Variants in THSD7A observed in about 807,000 individuals in gnomAD.
THSD7A encodes thrombospondin type-1 domain-containing protein 7A.
THSD7A carries 96 observed loss-of-function variants against 231.3 expected under a neutral mutation model. That is an observed-to-expected ratio of 0.41 (90% CI 0.35 to 0.49). The LOEUF (loss-of-function observed/expected upper bound fraction) is 0.49, where lower values mean the gene tolerates loss of function less well. Among genes scored for constraint, THSD7A ranks in the 20% least tolerant of loss-of-function variants. The pLI is 0.05. For missense variants in THSD7A, 2,290 were observed against 2,070.2 expected (o/e 1.11, Z -2.06); for synonymous variants, 940 against 743.3 (o/e 1.26, Z -4.30).
chr7:11,767,898 C>T (rs1562540187), intron 1 of THSD7A, among the ~76,000 whole-genome samples: 1 of 152,082 alleles, frequency 6.6e-6, no homozygotes, highest in African/African-American at 2.4e-5. Context: ...GGAATAAGGA[C>T]TTAGAAGGAG....
intron 1 of THSD7A, among the ~76,000 whole-genome samples, chr7:11,744,713 T>C (rs1221788206): frequency 6.6e-6 from 1 of 151,570 alleles, no homozygotes; most frequent in Non-Finnish European, 1.5e-5. Context: ...GTCCTTGTGA[T>C]AGTTTGCTGA....
intron 1 of THSD7A, among the ~76,000 whole-genome samples, chr7:11,755,206 T>C (rs999943382): frequency 6.6e-6 from 1 of 152,018 alleles, no homozygotes; most frequent in Non-Finnish European, 1.5e-5. Flanking sequence ...AAGAATTATC[T>C]AGTCAAAAAT....
rs563916439 is a variant in THSD7A at position 11,824,925 on chromosome 7, TA to T, written c.190+6831del. Among the ~76,000 whole-genome samples the T allele has an allele frequency of 1.4e-4, 21 of 152,270 alleles. No homozygotes were observed. The East Asian group carries it at 3.9e-3, about 28-fold the overall frequency. ...TGAGATACAATAATAAAATGAAGTATAAAAAGTTCTATTTACATAATTAACC... is the reference window on the plus strand; with the variant it reads ...TGAGATACAATAATAAAATGAAGTATAAAAGTTCTATTTACATAATTAACC... On this transcript the variant is annotated intron_variant, in intron 1 of 27. Transcript: ENST00000423059.
At chr7:11,639,919 T>C (rs1584128879) in intron 1 of THSD7A, among the ~76,000 whole-genome samples, 1 of 152,122 alleles carries the variant, frequency 6.6e-6, no homozygotes, top group Non-Finnish European at 1.5e-5. Flanking sequence ...GGTGAAGATA[T>C]CAAACTCTTA....
At chr7:11,426,816 C>G in intron 14 of THSD7A, 145 bp from the exon 15 acceptor site, 1 of 773,678 alleles carries the variant, frequency 1.3e-6, no homozygotes, top group Non-Finnish European at 2.0e-6. Flanking sequence ...AATATTAGAA[C>G]ATTTTTCTTA....
intron 6 of THSD7A, among the ~76,000 whole-genome samples, chr7:11,536,065 A>C (rs924905451): frequency 6.6e-6 from 1 of 152,196 alleles, no homozygotes; most frequent in African/African-American, 2.4e-5. Flanking sequence ...AACATTTTCC[A>C]ATATTAAACA....
chr7:11,403,320 T>A (rs1783472750), intron 22 of THSD7A, among the ~76,000 whole-genome samples: 1 of 152,178 alleles, frequency 6.6e-6, no homozygotes, highest in Admixed American at 6.5e-5. Flanking sequence ...TTGACTAACA[T>A]ATATATACGT....
At chr7:11,818,070 A>G (rs1361987549) in intron 1 of THSD7A, among the ~76,000 whole-genome samples, 3 of 152,200 alleles carry the variant, frequency 2.0e-5, no homozygotes, top group African/African-American at 4.8e-5. Flanking sequence ...AATGACTTTT[A>G]AATAGTGCAA....
intron 1 of THSD7A, among the ~76,000 whole-genome samples, chr7:11,754,426 G>A (rs929098167): frequency 3.9e-5 from 6 of 151,988 alleles, no homozygotes; most frequent in Non-Finnish European, 8.8e-5. Context: ...TTAAAGGGAA[G>A]GAAGCAGAGA....
intron 1 of THSD7A, among the ~76,000 whole-genome samples, chr7:11,737,708 T>C (rs974063599): frequency 6.6e-6 from 1 of 152,036 alleles, no homozygotes; most frequent in Non-Finnish European, 1.5e-5. Context: ...ATATTATAGT[T>C]TCATCATTTT....
intron 6 of THSD7A, among the ~76,000 whole-genome samples, chr7:11,533,459 A>C (rs1282152394): frequency 1.3e-5 from 2 of 152,160 alleles, no homozygotes; most frequent in Non-Finnish European, 2.9e-5. Flanking sequence ...TTATTGCAGC[A>C]CTATTTACAA....
At chr7:11,399,855 T>C (rs1020542976) in intron 23 of THSD7A, among the ~76,000 whole-genome samples, 5 of 152,158 alleles carry the variant, frequency 3.3e-5, no homozygotes, top group African/African-American at 9.7e-5. Flanking sequence ...TAAAGACACA[T>C]GCACACATAC....
intron 1 of THSD7A, among the ~76,000 whole-genome samples, chr7:11,770,877 T>C (rs957954954): frequency 2.6e-5 from 4 of 152,044 alleles, no homozygotes; most frequent in South Asian, 4.1e-4. Flanking sequence ...CAATGTATTT[T>C]ACTTTTTAAA....
rs936002496 is a variant in THSD7A, at chr7:11,372,558, C to G, written c.*3236G>C. 3 of 152,050 alleles carry G rather than the reference C, an allele frequency of 2.0e-5. No homozygotes were observed. Among genetic ancestry groups the G allele is most frequent in the African/African-American group, 7.2e-5 (3 of 41,412 alleles). 9.4% of individuals were successfully genotyped at this position (152,050 alleles called of 1,614,324 possible). A position where few individuals can be genotyped will look rare whatever the true frequency, so the allele number is the denominator to read the frequency against. ...AGTTATTGATGAATAAGCAAATCAGCCCCTTTCAAAAGAGATCAGTTAGTC... is the reference window on the plus strand; with the variant it reads ...AGTTATTGATGAATAAGCAAATCAGGCCCTTTCAAAAGAGATCAGTTAGTC... On this transcript the variant is annotated 3_prime_UTR_variant, in exon 28 of 28. Transcript: ENST00000423059.
At position 11,737,434 on chromosome 7, in the gene THSD7A, G is replaced by T. The variant is rs1230661807; in HGVS notation, c.190+94323C>A. Among the ~76,000 whole-genome samples, 8 of 152,100 alleles carry T rather than the reference G, an allele frequency of 5.3e-5. No individual in the cohort carries two copies. In the East Asian group the frequency reaches 1.4e-3, roughly 26 times the overall value. On this transcript the variant is annotated intron_variant, in intron 1 of 27. Transcript: ENST00000423059. ...GGATGGAGTAAGGAAGAAGACAGAG[G>T]ACTATGCAAGACCATTCTGATGCCA...
At chr7:11,482,074 A>G (rs1786449840) in intron 6 of THSD7A, 92 bp from the exon 7 acceptor site, 2 of 1,349,314 alleles carry the variant, frequency 1.5e-6, no homozygotes, top group South Asian at 3.1e-5. Flanking sequence ...AAGTTACATT[A>G]TCTTTCTTTT....
At chr7:11,450,328 A>G (rs1182439306) in intron 11 of THSD7A, among the ~76,000 whole-genome samples, 1 of 152,056 alleles carries the variant, frequency 6.6e-6, no homozygotes, top group East Asian at 1.9e-4. Context: ...TGAAAAGAAA[A>G]AAAAATTGTG....
At chr7:11,458,083 G>T (rs1785367528) in intron 11 of THSD7A, among the ~76,000 whole-genome samples, 1 of 152,046 alleles carries the variant, frequency 6.6e-6, no homozygotes, top group Admixed American at 6.6e-5. Context: ...TAATTGAAAT[G>T]AGAAATTCTG....
At chr7:11,744,738 A>T (rs1044283120) in intron 1 of THSD7A, among the ~76,000 whole-genome samples, 10 of 151,892 alleles carry the variant, frequency 6.6e-5, no homozygotes, top group Admixed American at 5.3e-4. Context: ...GATGGTTTCC[A>T]GCTTCATCCA....
Sources: gnomAD v4.1 joint callset for allele counts (sites outside exome capture counted in the v4.1 genomes callset) on GRCh38, gnomAD v4.1.1 for gene constraint, MANE v1.5 for transcripts, NCBI Gene and HGNC (gene_info 2026-07-23, HGNC 2026-07-21) for gene names.